Variants in CDKN2D observed in about 807,000 individuals in gnomAD.
CDKN2D encodes cyclin dependent kinase inhibitor 2D.
CDKN2D carries 3 observed loss-of-function variants against 4.7 expected under a neutral mutation model. That is an observed-to-expected ratio of 0.64 (90% CI 0.29 to 1.66). The LOEUF is 1.66. Ranked by LOEUF, CDKN2D falls within the 40% of genes most tolerant of loss-of-function variation. The pLI is 0.10. For synonymous variants in CDKN2D, 91 were observed against 102.3 expected (o/e 0.89, Z 0.67); for missense variants, 196 against 230.9 (o/e 0.85, Z 0.98).
chr19:10,568,102 G>A (rs2144743026), intron 1 of CDKN2D, among the ~76,000 whole-genome samples: 1 of 151,898 alleles, frequency 6.6e-6, no homozygotes, highest in South Asian at 2.1e-4. Context: ...GTCTCAGAGA[G>A]CCCCCTACAA....
Position 10,566,769 on chromosome 19 carries a change from G to A in CDKN2D, c.*289C>T. On this transcript the variant is annotated 3_prime_UTR_variant, in exon 2 of 2. Coordinates refer to ENST00000393599, the MANE Select transcript of CDKN2D (RefSeq NM_001800.4). ...TCACTCTTAAATGCTCTGCCCTTGG[G>A]TCTCGTCTGAGGCCCCAGCAGCCTG... The A allele has an allele frequency of 2.4e-6, 1 of 423,956 alleles. No individual in the cohort carries two copies. The highest frequency in any genetic ancestry group is 2.7e-5 in the South Asian group (1 of 36,600). The allele number at this position is 423,956 out of a possible 1,614,324, so 26.3% of individuals were successfully genotyped here. A position where few individuals can be genotyped will look rare whatever the true frequency, so the allele number is the denominator to read the frequency against.
At chr19:10,567,785 A>G (rs1443339786) in intron 1 of CDKN2D, among the ~76,000 whole-genome samples, 1 of 151,500 alleles carries the variant, frequency 6.6e-6, no homozygotes, top group Non-Finnish European at 1.5e-5. Flanking sequence ...ATGGAGAACT[A>G]CCCCCAAAGA....
chr19:10,567,146 C>T lies in CDKN2D; in HGVS notation c.413G>A (p.Arg138Lys). The T allele has an allele frequency of 6.2e-7, 1 of 1,614,128 alleles. No homozygotes were observed. Among genetic ancestry groups the T allele is most frequent in the South Asian group, 1.1e-5 (1 of 91,084 alleles). Reference protein sequence around the residue: ...AESDLHRRDARGLTPLELALQ... With the variant: ...AESDLHRRDAKGLTPLELALQ... ...TGCCAGCTCCAAGGGTGTGAGACCCCTGGCGTCCCTGCGATGGAGATCAGA... is the reference window on the plus strand; with the variant it reads ...TGCCAGCTCCAAGGGTGTGAGACCCTTGGCGTCCCTGCGATGGAGATCAGA... The change falls in exon 2 of 2, where the codon AGG becomes AAG. Residue 138 changes from arginine to lysine, a missense_variant. Arg to Lys is a conservative substitution (Grantham distance 26, BLOSUM62 2). Transcript: ENST00000393599.
Position 10,566,947 on chromosome 19 carries a change from C to T in CDKN2D, c.*111G>A. The T allele has an allele frequency of 8.6e-7, 1 of 1,168,436 alleles. No homozygotes were observed. Among genetic ancestry groups the T allele is most frequent in the Non-Finnish European group, 1.2e-6 (1 of 832,480 alleles). 72.4% of individuals were successfully genotyped at this position (1,168,436 alleles called of 1,614,324 possible). A position where few individuals can be genotyped will look rare whatever the true frequency, so the allele number is the denominator to read the frequency against. On this transcript the variant is annotated 3_prime_UTR_variant, in exon 2 of 2. Transcript: ENST00000393599. The stretch of plus-strand genomic sequence containing the variant: ...ACACCTATAAGCCACAAACTGTGCT[C>T]CTCCCCTACTGCAGCAGTGGGCAGG...
chr19:10,566,507 T>C lies in CDKN2D; in HGVS notation c.*551A>G, dbSNP rs1341498838. ...TTTAATGGGTAAAAACATTAAATTA[T>C]TACAACATTTTTTCCAATAAAGCAT... On this transcript the variant is annotated 3_prime_UTR_variant, in exon 2 of 2. Coordinates refer to ENST00000393599, the MANE Select transcript of CDKN2D (RefSeq NM_001800.4). 4.4e-6 allele frequency: 1 copy of C among 226,618 alleles called. No homozygotes were observed. The highest frequency in any genetic ancestry group is 2.2e-5 in the African/African-American group (1 of 44,664). 14.0% of individuals were successfully genotyped at this position (226,618 alleles called of 1,614,324 possible). A position where few individuals can be genotyped will look rare whatever the true frequency, so the allele number is the denominator to read the frequency against.
Position 10,567,093 on chromosome 19 carries a change from C to A in CDKN2D, c.466G>T (p.Asp156Tyr). Residue 156 changes from aspartate (D) to tyrosine (Y), a missense_variant, in exon 2 of 2, where the codon GAC becomes TAC. Physicochemically the swap from Asp to Tyr is radical, Grantham distance 160. Transcript: ENST00000393599. ...GCCACCATGTGGCCCTGCAGGATGT[C>A]CACGAGGTCCTGAGCCCCTCTCTGC... ...ALQRGAQDLVDILQGHMVAPL is the reference protein window; with the variant it reads ...ALQRGAQDLVYILQGHMVAPL 4 of 1,612,900 alleles carry A rather than the reference C, an allele frequency of 2.5e-6. No individual in the cohort carries two copies. The highest frequency in any genetic ancestry group is 3.4e-6 in the Non-Finnish European group (4 of 1,179,710).
Position 10,567,114 on chromosome 19 carries a change from T to A in CDKN2D, c.445A>T (p.Arg149Ter). The change falls in exon 2 of 2, where the codon AGA becomes TGA. Residue 149 changes from arginine to a stop codon, truncating the protein, a stop_gained. Coordinates refer to ENST00000393599, the MANE Select transcript of CDKN2D (RefSeq NM_001800.4). LOFTEE classifies it high-confidence loss of function. Reference protein sequence around the residue: ...GLTPLELALQRGAQDLVDILQ... With the variant: ...GLTPLELALQ The stretch of plus-strand genomic sequence containing the variant: ...ATGTCCACGAGGTCCTGAGCCCCTC[T>A]CTGCAGTGCCAGCTCCAAGGGTGTG... 6.2e-7 allele frequency: 1 copy of A among 1,613,930 alleles called. No homozygotes were observed.
rs1409419307 is a variant in CDKN2D at position 10,566,953 on chromosome 19, C to G, written c.*105G>C. On this transcript the variant is annotated 3_prime_UTR_variant, in exon 2 of 2. Transcript: ENST00000393599. ...ATAAGCCACAAACTGTGCTCCTCCC[C>G]TACTGCAGCAGTGGGCAGGAGAAAC... is the stretch of plus-strand genomic sequence containing the variant. The G allele has an allele frequency of 8.1e-7, 1 of 1,231,500 alleles. No individual in the cohort carries two copies. The highest frequency in any genetic ancestry group is 2.3e-5 in the East Asian group (1 of 42,800). 76.3% of individuals were successfully genotyped at this position (1,231,500 alleles called of 1,614,324 possible). A position where few individuals can be genotyped will look rare whatever the true frequency, so the allele number is the denominator to read the frequency against.
Position 10,567,359 on chromosome 19 carries a change from G to C in CDKN2D, c.200C>G (p.Pro67Arg), listed in dbSNP as rs150037621. ...ALELLKQGAS[P>R]NVQDTSGTSP... ...GGTACCGGAGGTGTCCTGGACATTG[G>C]GGCTGGCACCTTGCTTCAGCAGCTC... The change falls in exon 2 of 2, where the codon CCC becomes CGC. Residue 67 changes from proline to arginine, a missense_variant. Transcript: ENST00000393599. 4 of 1,614,014 alleles carry C rather than the reference G, an allele frequency of 2.5e-6. No homozygotes were observed. In the African/African-American group the frequency reaches 5.3e-5, roughly 22 times the overall value.
chr19:10,567,579 A>G (rs1321916434), intron 1 of CDKN2D, among the ~76,000 whole-genome samples, 162 bp from the exon 2 acceptor site: 2 of 151,098 alleles, frequency 1.3e-5, no homozygotes, highest in East Asian at 3.9e-4. Context: ...AGCCCCCAGG[A>G]AAGTTCTTCT....
At chr19:10,568,212 AAGG>A (rs1453184010) in intron 1 of CDKN2D, among the ~76,000 whole-genome samples, 11 of 152,108 alleles carry the variant, frequency 7.2e-5, no homozygotes, top group Non-Finnish European at 1.6e-4. Flanking sequence ...ACGGCATCCA[AAGG>A]AGCTGAACCC....
In CDKN2D at chr19:10,566,950, C is replaced by A; in HGVS notation, c.*108G>T. 8.5e-7 allele frequency: 1 copy of A among 1,176,382 alleles called. No homozygotes were observed. The highest frequency in any genetic ancestry group is 3.0e-4 in the Middle Eastern group (1 of 3,374). The allele number at this position is 1,176,382 out of a possible 1,614,324, so 72.9% of individuals were successfully genotyped here. ...CCTATAAGCCACAAACTGTGCTCCT[C>A]CCCTACTGCAGCAGTGGGCAGGAGA... On this transcript the variant is annotated 3_prime_UTR_variant, in exon 2 of 2. Transcript: ENST00000393599.
rs1736287694 is a variant in CDKN2D, at chr19:10,568,773, C to A, written c.-120G>T. On this transcript the variant is annotated 5_prime_UTR_variant, in exon 1 of 2. Transcript: ENST00000393599. ...CGGGGCGCGGCCGCGGTGCACCCGG[C>A]TGCGCTGCTCTCCCGTCCCGGCTCC... is the stretch of plus-strand genomic sequence containing the variant. 1.7e-6 allele frequency: 1 copy of A among 585,718 alleles called. No homozygotes were observed. Among genetic ancestry groups the A allele is most frequent in the South Asian group, 8.6e-5 (1 of 11,568 alleles). The allele number at this position is 585,718 out of a possible 1,614,324, so 36.3% of individuals were successfully genotyped here. A position where few individuals can be genotyped will look rare whatever the true frequency, so the allele number is the denominator to read the frequency against.
In CDKN2D at chr19:10,568,630, G is replaced by C. The variant is rs761737305; in HGVS notation, c.24C>G (p.Ala8=). 4.0e-6 allele frequency: 6 copies of C among 1,508,010 alleles called. No individual in the cohort carries two copies. Among genetic ancestry groups the C allele is most frequent in the Middle Eastern group, 1.9e-4 (1 of 5,198 alleles). 93.4% of individuals were successfully genotyped at this position (1,508,010 alleles called of 1,614,324 possible). ...CCGCCGCCCCACTCAGCCGGTCGCC[G>C]GCGCGAACCTCCTCCAGCAGCATGT... MLLEEVR[A]GDRLSGAAAR... Residue 8 remains alanine (A), a synonymous_variant, in exon 1 of 2, where the codon GCC becomes GCG. Coordinates refer to ENST00000393599, the MANE Select transcript of CDKN2D (RefSeq NM_001800.4).
At chr19:10,568,410 C>T in intron 1 of CDKN2D, 103 bp downstream of exon 1, 1 of 1,063,134 alleles carries the variant, frequency 9.4e-7, no homozygotes, top group African/African-American at 1.6e-5. Context: ...GACCGGTTCC[C>T]AGTGGGTCAC....
chr19:10,568,394 AAG>A (rs1457806780), intron 1 of CDKN2D, 117 bp downstream of exon 1: 1,246 of 80,764 alleles, frequency 0.015, 10 homozygotes, highest in Middle Eastern at 0.032. Context: ...AAGCCTAGAG[AAG>A]AAGGACCGGT....
chr19:10,568,501 G>A lies in CDKN2D; in HGVS notation c.141+12C>T. 2 of 1,401,208 alleles carry A rather than the reference G, an allele frequency of 1.4e-6. No individual in the cohort carries two copies. Among genetic ancestry groups the A allele is most frequent in the Admixed American group, 2.7e-5 (1 of 36,916 alleles). 86.8% of individuals were successfully genotyped at this position (1,401,208 alleles called of 1,614,324 possible). A position where few individuals can be genotyped will look rare whatever the true frequency, so the allele number is the denominator to read the frequency against. On this transcript the variant is annotated intron_variant, in intron 1 of 1. Coordinates refer to ENST00000393599, the MANE Select transcript of CDKN2D (RefSeq NM_001800.4). The stretch of plus-strand genomic sequence containing the variant: ...AGCCGCCCCGCCCCAACCTGGACCG[G>A]CCCGGCCTCACCTGCAGCGCCGTCT...
Position 10,567,048 on chromosome 19 carries a change from T to G in CDKN2D, c.*10A>C. Reference sequence around the variant, plus strand: ...CACGGGGTTCTCTTGCTGGAGAGGGTGACCCCAGATCACAGCGGGGCCACC... The same window carrying G: ...CACGGGGTTCTCTTGCTGGAGAGGGGGACCCCAGATCACAGCGGGGCCACC... On this transcript the variant is annotated 3_prime_UTR_variant, in exon 2 of 2. Transcript: ENST00000393599. The G allele has an allele frequency of 6.3e-7, 1 of 1,590,238 alleles. No homozygotes were observed. The highest frequency in any genetic ancestry group is 8.5e-7 in the Non-Finnish European group (1 of 1,170,630).
Position 10,567,088 on chromosome 19 carries a change from G to C in CDKN2D, c.471C>G (p.Ile157Met). 1 of 1,612,662 alleles carries C rather than the reference G, an allele frequency of 6.2e-7. No individual in the cohort carries two copies. The highest frequency in any genetic ancestry group is 1.7e-5 in the Admixed American group (1 of 59,970). Residue 157 changes from isoleucine (I) to methionine (M), a missense_variant, in exon 2 of 2, where the codon ATC becomes ATG. Physicochemically the swap from Ile to Met is conservative, Grantham distance 10. Transcript: ENST00000393599. ...LQRGAQDLVD[I>M]LQGHMVAPL ...GCGGGGCCACCATGTGGCCCTGCAG[G>C]ATGTCCACGAGGTCCTGAGCCCCTC...
Sources: allele counts gnomAD v4.1 joint callset (sites outside exome capture counted in the v4.1 genomes callset), GRCh38; gene constraint gnomAD v4.1.1; transcripts MANE v1.5; gene names NCBI Gene and HGNC (gene_info 2026-07-23, HGNC 2026-07-21).